The following GRAMD2B variants were observed in gnomAD, a reference collection of about 807,000 sequenced individuals.
GRAMD2B encodes the protein GRAM domain-containing protein 2B.
GRAMD2B carries 41 observed loss-of-function variants against 59.2 expected under a neutral mutation model. The observed-to-expected ratio is 0.69, with a 90% confidence interval of 0.54 to 0.90. GRAMD2B has a LOEUF of 0.90. Ranked by LOEUF, GRAMD2B falls within the 40% of genes least tolerant of loss-of-function variation. GRAMD2B has a pLI of 0.00. For synonymous variants in GRAMD2B, 161 were observed against 182.7 expected (o/e 0.88, Z 0.96); for missense variants, 424 against 500.5 (o/e 0.85, Z 1.46).
intron 1 of GRAMD2B, among the ~76,000 whole-genome samples, chr5:126,459,232 T>C (rs1334189275): frequency 2.0e-5 from 3 of 152,192 alleles, no homozygotes; most frequent in African/African-American, 7.2e-5. Flanking sequence ...ACAAAACTAG[T>C]TGTCATTAAT....
intron 1 of GRAMD2B, 56 bp from the exon 2 acceptor site, chr5:126,465,370 C>T (rs930387016): frequency 1.9e-6 from 3 of 1,607,470 alleles, no homozygotes; most frequent in Non-Finnish European, 2.5e-6. Context: ...CATCGTTTTC[C>T]TTCCAGCTAC....
intron 1 of GRAMD2B, among the ~76,000 whole-genome samples, chr5:126,384,079 T>A (rs1452993270): frequency 6.6e-6 from 1 of 152,096 alleles, no homozygotes; most frequent in Non-Finnish European, 1.5e-5. Context: ...TCCTCTCTAG[T>A]CCTAGCACTT....
chr5:126,459,531 C>T (rs920855508), intron 1 of GRAMD2B, among the ~76,000 whole-genome samples: 1 of 152,126 alleles, frequency 6.6e-6, no homozygotes, highest in African/African-American at 2.4e-5. Flanking sequence ...AATCAACAAC[C>T]CATTAGATAA....
intron 1 of GRAMD2B, among the ~76,000 whole-genome samples, chr5:126,396,729 T>C (rs554866473): frequency 6.6e-6 from 1 of 152,356 alleles, no homozygotes; most frequent in East Asian, 1.9e-4. Context: ...TATTTCTGTC[T>C]TTAGGTCTTT....
At chr5:126,471,678 A>G (rs1374936850) in intron 3 of GRAMD2B, among the ~76,000 whole-genome samples, 1 of 152,180 alleles carries the variant, frequency 6.6e-6, no homozygotes, top group African/African-American at 2.4e-5. Flanking sequence ...GGTCCTTTAC[A>G]TGTATTATCC....
intron 1 of GRAMD2B, among the ~76,000 whole-genome samples, chr5:126,464,424 A>G (rs1173870650): frequency 6.6e-6 from 1 of 152,152 alleles, no homozygotes; most frequent in Admixed American, 6.5e-5. Context: ...TCTTCCTTCA[A>G]CATCCCTTCC....
At chr5:126,420,766 A>G (rs1354430183), upstream of GRAMD2B, among the ~76,000 whole-genome samples, 2 of 152,236 alleles carry the variant, frequency 1.3e-5, no homozygotes, top group Non-Finnish European at 1.5e-5. Flanking sequence ...TCAGGGACTC[A>G]GACAAACATT....
chr5:126,475,096 A>G (rs1770325256), intron 5 of GRAMD2B, among the ~76,000 whole-genome samples: 2 of 152,204 alleles, frequency 1.3e-5, no homozygotes, highest in South Asian at 4.1e-4. Flanking sequence ...AAAGCAGTTT[A>G]CCCTGGAAAA....
chr5:126,465,726 C>G (rs934570191), intron 2 of GRAMD2B, among the ~76,000 whole-genome samples, 181 bp downstream of exon 2: 1 of 152,160 alleles, frequency 6.6e-6, no homozygotes, highest in Non-Finnish European at 1.5e-5. Context: ...CCCTCCTGCC[C>G]CAGCCTTCAG....
intron 1 of GRAMD2B, among the ~76,000 whole-genome samples, chr5:126,399,735 G>A (rs773671927): frequency 6.6e-6 from 1 of 152,044 alleles, no homozygotes; most frequent in Admixed American, 6.6e-5. Flanking sequence ...ATTATACAGT[G>A]ATCTTTCACT....
chr5:126,414,911 A>G (rs1759130520), intron 1 of GRAMD2B, among the ~76,000 whole-genome samples: 1 of 152,180 alleles, frequency 6.6e-6, no homozygotes, highest in African/African-American at 2.4e-5. Context: ...CAATTGGTTT[A>G]TACAACATTT....
intron 1 of GRAMD2B, among the ~76,000 whole-genome samples, chr5:126,396,641 A>G (rs140586825): frequency 2.0e-5 from 3 of 152,308 alleles, no homozygotes; most frequent in Non-Finnish European, 2.9e-5. Flanking sequence ...ATGAACATAC[A>G]TGTGCATGTA....
At chr5:126,377,570 T>C (rs921148765) in intron 1 of GRAMD2B, among the ~76,000 whole-genome samples, 4 of 152,268 alleles carry the variant, frequency 2.6e-5, no homozygotes, top group Non-Finnish European at 5.9e-5. Context: ...AAAGGCATTT[T>C]TGGCATTCTG....
At chr5:126,375,520 C>G (rs1412218141) in intron 1 of GRAMD2B, among the ~76,000 whole-genome samples, 1 of 151,972 alleles carries the variant, frequency 6.6e-6, no homozygotes, top group Non-Finnish European at 1.5e-5. Context: ...CAGGCGCCTG[C>G]CACCACACCT....
At chr5:126,440,477 C>G (rs1273450996) in intron 1 of GRAMD2B, among the ~76,000 whole-genome samples, 1 of 152,066 alleles carries the variant, frequency 6.6e-6, no homozygotes, top group African/African-American at 2.4e-5. Flanking sequence ...GAAGGAAATC[C>G]AAATATATCT....
At chr5:126,457,642 A>C (rs11748024) in intron 1 of GRAMD2B, among the ~76,000 whole-genome samples, 130,810 of 151,860 alleles carry the variant, frequency 0.86, 57,650 homozygotes, top group East Asian at 0.99. Flanking sequence ...GGGGGAAAAA[A>C]ATTGTATATA....
intron 1 of GRAMD2B, chr5:126,465,073 GTGTGTACATGTGCGTGTGTGCT>G (rs1202574471): frequency 8.5e-6 from 9 of 1,063,518 alleles, no homozygotes; most frequent in Non-Finnish European, 1.0e-5. Flanking sequence ...ACACGTGAGC[GTGTGTACATGTGCGTGTGTGCT>G]TGTGCAGGGC....
At chr5:126,466,870 C>G (rs894542557) in intron 2 of GRAMD2B, among the ~76,000 whole-genome samples, 2 of 152,198 alleles carry the variant, frequency 1.3e-5, no homozygotes, top group Non-Finnish European at 2.9e-5. Flanking sequence ...CCCAGGCTTC[C>G]GTAATAATAA....
chr5:126,360,456 A>T, exon 1 of GRAMD2B: 1 of 1,550,388 alleles, frequency 6.4e-7, no homozygotes, highest in Non-Finnish European at 8.7e-7. Context: ...CCGGACCTGG[A>T]ACTGTAAGTG....
Sources: gnomAD v4.1 joint callset for allele counts (sites outside exome capture counted in the v4.1 genomes callset) on GRCh38, gnomAD v4.1.1 for gene constraint, MANE v1.5 for transcripts, NCBI Gene and HGNC (gene_info 2026-07-23, HGNC 2026-07-21) for gene names.